The following MZT2B variants were observed in gnomAD, a reference collection of about 807,000 sequenced individuals.
The protein encoded by MZT2B is mitotic-spindle organizing protein 2B.
In MZT2B, 11 loss-of-function variants were observed where a neutral mutation model predicts 12.1. The observed-to-expected ratio is 0.91, with a 90% CI of 0.57 to 1.50. The LOEUF is 1.50. Ranked by LOEUF, MZT2B falls within the 40% of genes most tolerant of loss-of-function variation. The pLI, the probability that MZT2B is intolerant of heterozygous loss-of-function variation, is 0.00. For synonymous variants in MZT2B, 85 were observed against 109.5 expected (o/e 0.78, Z 1.40); for missense variants, 209 against 227.7 (o/e 0.92, Z 0.53).
the MZT2B span, among the ~76,000 whole-genome samples, chr2:130,202,942 A>G: frequency 6.6e-6 from 1 of 152,042 alleles, no homozygotes; most frequent in African/African-American, 2.4e-5. Flanking sequence ...TGATTCCCCC[A>G]TAACTCCTTT....
At chr2:130,201,986 G>A in the MZT2B span, among the ~76,000 whole-genome samples, 2 of 152,180 alleles carry the variant, frequency 1.3e-5, no homozygotes, top group African/African-American at 4.8e-5. Context: ...CTACGTGACT[G>A]CAATATTTAT....
chr2:130,188,639 A>G (rs750330445), intron 2 of MZT2B, among the ~76,000 whole-genome samples: 2 of 152,070 alleles, frequency 1.3e-5, no homozygotes, highest in Non-Finnish European at 2.9e-5. Context: ...CAAGCATGAC[A>G]CCGCTGTAAC....
chr2:130,193,673 A>G (rs1228410837), downstream of MZT2B: 44 of 1,368,138 alleles, frequency 3.2e-5, no homozygotes, highest in Non-Finnish European at 4.3e-5. Flanking sequence ...TTATGCCCAC[A>G]TGCCTAGCCC....
At chr2:130,193,506 G>A (rs1690320580), downstream of MZT2B, among the ~76,000 whole-genome samples, 1 of 151,496 alleles carries the variant, frequency 6.6e-6, no homozygotes. Flanking sequence ...CTACTTGGGA[G>A]GGTGAGGCCA....
At chr2:130,188,345 A>T (rs1012381460) in intron 2 of MZT2B, 1 of 165,074 alleles carries the variant, frequency 6.1e-6, no homozygotes, top group African/African-American at 2.4e-5. Flanking sequence ...TCAGAGGAGG[A>T]TGCTGGCCCA....
chr2:130,182,609 C>T lies in MZT2B; in HGVS notation c.171-18C>T. ...CCGGGCGGAGAGGGCTCACCGGCCC[C>T]GCGTCTGTCCCCGCCAGGATCCTGG... On this transcript the variant is annotated intron_variant, in intron 1 of 2. Coordinates refer to ENST00000281871, the MANE Select transcript of MZT2B (RefSeq NM_025029.5). The T allele has an allele frequency of 6.4e-7, 1 of 1,551,272 alleles. No individual in the cohort carries two copies. The highest frequency in any genetic ancestry group is 1.2e-5 in the South Asian group (1 of 84,046).
At chr2:130,195,709 C>T (rs1318831402), downstream of MZT2B, among the ~76,000 whole-genome samples, 1 of 152,232 alleles carries the variant, frequency 6.6e-6, no homozygotes, top group Non-Finnish European at 1.5e-5. Flanking sequence ...TGTAGCTCTC[C>T]TTGGAAACTA....
chr2:130,203,036 C>CTTTTCTT, the MZT2B span, among the ~76,000 whole-genome samples: 108 of 142,952 alleles, frequency 7.6e-4, no homozygotes, highest in Non-Finnish European at 1.3e-3. Flanking sequence ...GTTCTTTTTT[C>CTTTTCTT]TTTTCTTTTT....
intron 2 of MZT2B, chr2:130,184,324 T>C (rs1689967234): frequency 1.0e-6 from 1 of 985,434 alleles, no homozygotes; most frequent in Non-Finnish European, 1.2e-6. Context: ...CTCGGCCTCT[T>C]AGAAGTTGTC....
At chr2:130,194,541 T>C, downstream of MZT2B, 1 of 1,440,080 alleles carries the variant, frequency 6.9e-7, no homozygotes, top group South Asian at 1.4e-5. Context: ...CAGGGCCGCT[T>C]CTCTTTGCCT....
chr2:130,195,287 C>T (rs1397476732), downstream of MZT2B: 29 of 1,589,376 alleles, frequency 1.8e-5, no homozygotes, highest in Non-Finnish European at 2.4e-5. Context: ...AAGATGGACA[C>T]ATTCCAGGAG....
intron 2 of MZT2B, among the ~76,000 whole-genome samples, chr2:130,187,371 A>G (rs1414333259): frequency 9.2e-5 from 14 of 152,020 alleles, no homozygotes; most frequent in Non-Finnish European, 1.0e-4. Flanking sequence ...AATTTTTTGT[A>G]GAGATGGAGG....
At chr2:130,183,540 C>T in intron 2 of MZT2B, 2 of 635,706 alleles carry the variant, frequency 3.1e-6, no homozygotes, top group Non-Finnish European at 5.7e-6. Flanking sequence ...CGATGGCTCT[C>T]TCTGAAATGC....
intron 2 of MZT2B, among the ~76,000 whole-genome samples, chr2:130,187,473 G>A (rs1690108781): frequency 6.6e-6 from 1 of 152,186 alleles, no homozygotes. Flanking sequence ...ACAGGCATGA[G>A]CCACTGACCC....
upstream of MZT2B, chr2:130,181,913 C>G (rs1318771138): frequency 7.6e-5 from 114 of 1,491,768 alleles, no homozygotes; most frequent in Non-Finnish European, 9.7e-5. Flanking sequence ...CGGTGCGGAC[C>G]AGAAAATTGC....
downstream of MZT2B, chr2:130,192,091 C>G (rs756913880): frequency 1.2e-6 from 2 of 1,606,486 alleles, no homozygotes; most frequent in South Asian, 1.1e-5. Flanking sequence ...AGGTCTCCCC[C>G]GGGGACCACT....
chr2:130,182,539 A>T (rs1689770722), intron 1 of MZT2B, 87 bp downstream of exon 1: 2 of 1,553,182 alleles, frequency 1.3e-6, no homozygotes. Flanking sequence ...GGTCGGGAGG[A>T]GCCCCCGCCC....
At chr2:130,204,708 GGGGT>G in the MZT2B span, among the ~76,000 whole-genome samples, 1 of 138,536 alleles carries the variant, frequency 7.2e-6, no homozygotes, top group Non-Finnish European at 1.6e-5. Context: ...AAAAAAAGGG[GGGGT>G]GGGGAGGAAG....
At chr2:130,181,714 G>C, upstream of MZT2B, 1 of 1,548,418 alleles carries the variant, frequency 6.5e-7, no homozygotes, top group Non-Finnish European at 8.7e-7. Context: ...GGGCGGGGAA[G>C]AGAAATGGCG....
Sources: gnomAD v4.1 joint callset for allele counts (sites outside exome capture counted in the v4.1 genomes callset) on GRCh38, gnomAD v4.1.1 for gene constraint, MANE v1.5 for transcripts, NCBI Gene and HGNC (gene_info 2026-07-23, HGNC 2026-07-21) for gene names.